CDH13: variants seen among roughly 807,000 people sequenced by gnomAD.
CDH13 encodes the protein cadherin-13.
In CDH13, 24 loss-of-function variants were observed where a neutral mutation model predicts 63.8. The observed-to-expected ratio is 0.38, with a 90% CI of 0.27 to 0.53. The LOEUF (loss-of-function observed/expected upper bound fraction) is 0.53, where lower values mean the gene tolerates loss of function less well. Among genes scored for constraint, CDH13 ranks in the 20% least tolerant of loss-of-function variants. CDH13 has a pLI of 0.85. For synonymous variants in CDH13, 503 were observed against 355.3 expected, an observed-to-expected ratio of 1.42 and a Z score of -4.67; for missense variants, 1,049 against 903.1, an observed-to-expected ratio of 1.16 and a Z score of -2.07.
chr16:82,944,002 A>C (rs1334857244), intron 2 of CDH13, among the ~76,000 whole-genome samples: 2 of 152,170 alleles, frequency 1.3e-5, no homozygotes, highest in Non-Finnish European at 2.9e-5. Flanking sequence ...CAGTGAATGC[A>C]CTCAGATAGC....
chr16:83,098,671 G>A (rs1031126383), intron 3 of CDH13, among the ~76,000 whole-genome samples: 17 of 152,116 alleles, frequency 1.1e-4, no homozygotes, highest in East Asian at 3.9e-4. Flanking sequence ...GCATTTCAAC[G>A]GTTCACTCCA....
rs553604788 is a variant in CDH13 at position 83,047,572 on chromosome 16, A to G, written c.366+15354A>G. Among the ~76,000 whole-genome samples, 11 of 152,334 alleles carry G rather than the reference A, an allele frequency of 7.2e-5. No homozygotes were observed. The highest frequency in any genetic ancestry group is 1.5e-4 in the Non-Finnish European group (10 of 68,036). On this transcript the variant is annotated intron_variant, in intron 3 of 13. Coordinates refer to ENST00000567109, the MANE Select transcript of CDH13 (RefSeq NM_001257.5). This position sits in a 1 kb window ranked among gnomAD's most constrained non-coding sequence, Gnocchi z 4.9. ...TGAATTTTTAAAATACAAACAGAAAAAAAGCTCCCTGTATTTTCCCAAATT... is the reference window on the plus strand; with the variant it reads ...TGAATTTTTAAAATACAAACAGAAAGAAAGCTCCCTGTATTTTCCCAAATT...
intron 7 of CDH13, among the ~76,000 whole-genome samples, chr16:83,552,311 C>T (rs1233814111): frequency 2.6e-5 from 4 of 152,160 alleles, no homozygotes; most frequent in Non-Finnish European, 4.4e-5. Context: ...AACCCAGCTG[C>T]TTATGTCTAA....
chr16:83,687,921 C>A (rs1354697955), intron 10 of CDH13, among the ~76,000 whole-genome samples: 2 of 152,218 alleles, frequency 1.3e-5, no homozygotes, highest in African/African-American at 4.8e-5. Context: ...ACTACAACTG[C>A]TTTGTCCTGA....
chr16:83,530,663 A>C (rs2075063961), intron 7 of CDH13, among the ~76,000 whole-genome samples: 1 of 152,210 alleles, frequency 6.6e-6, no homozygotes, highest in African/African-American at 2.4e-5. Flanking sequence ...CACACACACA[A>C]GGCTGCAGAA....
chr16:82,979,169 A>G (rs1203119438), intron 2 of CDH13, among the ~76,000 whole-genome samples: 3 of 152,184 alleles, frequency 2.0e-5, no homozygotes, highest in Non-Finnish European at 4.4e-5. Context: ...TATTTATCCA[A>G]TGCCTGTACC....
At chr16:83,110,510 G>A (rs1048138606) in intron 3 of CDH13, among the ~76,000 whole-genome samples, 1 of 152,146 alleles carries the variant, frequency 6.6e-6, no homozygotes, top group Non-Finnish European at 1.5e-5. Flanking sequence ...CTGGGCTGGC[G>A]AGCTGAGTCA....
intron 1 of CDH13, among the ~76,000 whole-genome samples, chr16:82,627,751 G>T (rs1453024958): frequency 6.6e-6 from 1 of 152,154 alleles, no homozygotes; most frequent in Non-Finnish European, 1.5e-5. Context: ...GGCCGCACCC[G>T]CATCGGGGTC....
intron 7 of CDH13, among the ~76,000 whole-genome samples, chr16:83,512,915 C>G (rs1400823990): frequency 2.0e-5 from 3 of 151,908 alleles, no homozygotes; most frequent in African/African-American, 7.3e-5. Context: ...TGATGCCAAG[C>G]CACACTAAAA....
intron 6 of CDH13, among the ~76,000 whole-genome samples, chr16:83,436,800 A>G (rs578164201): frequency 1.3e-5 from 2 of 152,330 alleles, no homozygotes; most frequent in Admixed American, 6.5e-5. Context: ...CTGTGAATGT[A>G]TGATTTAGAC....
chr16:83,326,346 G>A (rs1044182021), intron 5 of CDH13, among the ~76,000 whole-genome samples: 1 of 151,456 alleles, frequency 6.6e-6, no homozygotes, highest in South Asian at 2.1e-4. Flanking sequence ...TTAAGGGGTA[G>A]CATAAATCAT....
chr16:83,469,030 C>G (rs1598091909), intron 6 of CDH13, among the ~76,000 whole-genome samples: 1 of 152,178 alleles, frequency 6.6e-6, no homozygotes, highest in East Asian at 1.9e-4. Context: ...ACGGCTTTCC[C>G]TGGTATATCT....
intron 2 of CDH13, among the ~76,000 whole-genome samples, chr16:82,890,638 A>G (rs1216722877): frequency 2.0e-5 from 3 of 146,344 alleles, no homozygotes; most frequent in Non-Finnish European, 3.0e-5. Flanking sequence ...TAAATTGAGC[A>G]TGAGAGACAT....
At chr16:82,775,864 C>G (rs1042747434) in intron 1 of CDH13, among the ~76,000 whole-genome samples, 38 of 152,238 alleles carry the variant, frequency 2.5e-4, no homozygotes, top group African/African-American at 8.7e-4. Context: ...AGGATGCATA[C>G]TGATGGCTCT....
intron 2 of CDH13, among the ~76,000 whole-genome samples, chr16:82,865,424 G>T (rs2040094292): frequency 6.6e-6 from 1 of 152,252 alleles, no homozygotes. Flanking sequence ...CTAGGCAGAA[G>T]TTCCCACACC....
intron 10 of CDH13, among the ~76,000 whole-genome samples, chr16:83,689,869 T>A (rs140718998): frequency 6.6e-6 from 1 of 152,310 alleles, no homozygotes; most frequent in Non-Finnish European, 1.5e-5. Context: ...CATTGGGGGA[T>A]AAAGTAGCCC....
chr16:83,022,614 A>G (rs915447909), intron 2 of CDH13, among the ~76,000 whole-genome samples: 1 of 152,304 alleles, frequency 6.6e-6, no homozygotes, highest in African/African-American at 2.4e-5. Flanking sequence ...AAGATCCTGG[A>G]GGTGGATCTG....
At chr16:83,202,305 G>C (rs1043468674) in intron 4 of CDH13, among the ~76,000 whole-genome samples, 3 of 152,166 alleles carry the variant, frequency 2.0e-5, no homozygotes, top group Non-Finnish European at 4.4e-5. Context: ...AGGATGAGGG[G>C]ATGTGGACAA....
At chr16:82,955,791 CT>C (rs1409401699) in intron 2 of CDH13, among the ~76,000 whole-genome samples, 2 of 152,194 alleles carry the variant, frequency 1.3e-5, no homozygotes, top group Non-Finnish European at 2.9e-5. Flanking sequence ...CACCCTGAAT[CT>C]AAGGCAAGCT....
Sources: allele counts gnomAD v4.1 joint callset (sites outside exome capture counted in the v4.1 genomes callset), GRCh38; gene constraint gnomAD v4.1.1; non-coding constraint Gnocchi (gnomAD v3.1); transcripts MANE v1.5; gene names NCBI Gene and HGNC (gene_info 2026-07-23, HGNC 2026-07-21).